The following GTF2F1 variants were observed in gnomAD, a reference collection of about 807,000 sequenced individuals.
The protein encoded by GTF2F1 is general transcription factor IIF 74 kDa subunit.
In GTF2F1, 39 loss-of-function variants were observed where a neutral mutation model predicts 63.5. The observed-to-expected ratio is 0.61, with a 90% CI of 0.48 to 0.80. The LOEUF is 0.80. GTF2F1 is among the 30% of genes least tolerant of loss of function. The pLI is 0.00. For missense variants in GTF2F1, 657 were observed against 718.3 expected (o/e 0.91, Z 0.97); for synonymous variants, 287 against 285.3 (o/e 1.01, Z -0.06).
In GTF2F1 at chr19:6,381,596, C is replaced by T. The variant is rs1356880683; in HGVS notation, c.856G>A (p.Glu286Lys). ...DGSSSSQEEP[E>K]SKAKAPQQEE... The stretch of plus-strand genomic sequence containing the variant: ...TGCTGCGGCGCCTTGGCCTTGCTCT[C>T]AGGCTCTTCTTGGGAGCTACTGTAA... Residue 286 changes from glutamate to lysine, a missense_variant, in exon 8 of 13, where the codon GAG becomes AAG. Physicochemically the swap from Glu to Lys is moderately conservative, Grantham distance 56. Coordinates refer to ENST00000394456, the MANE Select transcript of GTF2F1 (RefSeq NM_002096.3). This position sits in a 1 kb window ranked among gnomAD's most constrained non-coding sequence, Gnocchi z 4.1. 2 of 1,613,738 alleles carry T rather than the reference C, an allele frequency of 1.2e-6. No individual in the cohort carries two copies. Among genetic ancestry groups the T allele is most frequent in the African/African-American group, 2.7e-5 (2 of 74,938 alleles).
At position 6,393,126 on chromosome 19, in the gene GTF2F1, C is replaced by T. The variant is rs1405935127; in HGVS notation, c.-131G>A. Reference sequence around the variant, plus strand: ...CTGTGCCTGAGCGAGGACCCCAACCCTAGGCGCCTCTGGCGCTGGGAAAAG... The same window carrying T: ...CTGTGCCTGAGCGAGGACCCCAACCTTAGGCGCCTCTGGCGCTGGGAAAAG... On this transcript the variant is annotated 5_prime_UTR_variant, in exon 1 of 13. Transcript: ENST00000394456. The T allele has an allele frequency of 1.7e-6, 2 of 1,185,492 alleles. No homozygotes were observed. Among genetic ancestry groups the T allele is most frequent in the African/African-American group, 1.5e-5 (1 of 65,598 alleles). 73.4% of individuals were successfully genotyped at this position (1,185,492 alleles called of 1,614,324 possible).
Position 6,380,942 on chromosome 19 carries a change from G to C in GTF2F1, c.1193C>G (p.Ser398Cys), listed in dbSNP as rs758541092. ...GCTGGCAGCCGCCCGCAGGGTGGAG[G>C]AGGTGCTGCCACCCTCTGCGCTGGG... ...GTPSAEGGST[S>C]STLRAAASKL... Residue 398 changes from serine to cysteine, a missense_variant, in exon 11 of 13, where the codon TCC becomes TGC. Around this residue, in one of 2 missense-constraint regions of GTF2F1, gnomAD observed 602 missense variants for 625.6 expected, o/e 0.96. Transcript: ENST00000394456. The surrounding 1 kb of genome is among the most constrained non-coding windows in gnomAD (Gnocchi z 5.3). 14 of 1,587,308 alleles carry C rather than the reference G, an allele frequency of 8.8e-6. No individual in the cohort carries two copies. Among genetic ancestry groups the C allele is most frequent in the Non-Finnish European group, 1.2e-5 (14 of 1,167,428 alleles).
Position 6,387,611 on chromosome 19 carries a change from C to T in GTF2F1, c.327-52G>A, listed in dbSNP as rs187840120. ...GCCCATAGGGACCAGCCCCAGCCCCCCCGTGTCCCCCCGGGGCCTGCCTCC... is the reference window on the plus strand; with the variant it reads ...GCCCATAGGGACCAGCCCCAGCCCCTCCGTGTCCCCCCGGGGCCTGCCTCC... On this transcript the variant is annotated intron_variant, in intron 4 of 12. Coordinates refer to ENST00000394456, the MANE Select transcript of GTF2F1 (RefSeq NM_002096.3). 71 of 1,298,164 alleles carry T rather than the reference C, an allele frequency of 5.5e-5. 5 individuals carry two copies. Among genetic ancestry groups the T allele is most frequent in the Middle Eastern group, 1.8e-4 (1 of 5,576 alleles). 80.4% of individuals were successfully genotyped at this position (1,298,164 alleles called of 1,614,324 possible). A position where few individuals can be genotyped will look rare whatever the true frequency, so the allele number is the denominator to read the frequency against.
Position 6,380,618 on chromosome 19 carries a change from T to C in GTF2F1, c.1304A>G (p.Lys435Arg), listed in dbSNP as rs2091943211. 6.2e-7 allele frequency: 1 copy of C among 1,613,960 alleles called. No homozygotes were observed. The highest frequency in any genetic ancestry group is 1.3e-5 in the African/African-American group (1 of 75,044). ...GCCTGATGGTGGCTGGGGTGTCGAC[T>C]TCCCAGACAGGCTCTGGGGTCCCGT... ...LDTGPQSLSG[K>R]STPQPPSGKT... The change falls in exon 12 of 13, where the codon AAG (lysine) becomes AGG (arginine). Residue 435 changes from lysine (K) to arginine (R), a missense_variant. This residue lies in a region of GTF2F1 where 602 missense variants were observed against 625.6 expected (regional missense o/e 0.96). Coordinates refer to ENST00000394456, the MANE Select transcript of GTF2F1 (RefSeq NM_002096.3). The surrounding 1 kb of genome is among the most constrained non-coding windows in gnomAD (Gnocchi z 5.3).
chr19:6,380,865 G>C lies in GTF2F1; in HGVS notation c.1231+39C>G. 6.6e-7 allele frequency: 1 copy of C among 1,525,716 alleles called. No homozygotes were observed. Among genetic ancestry groups the C allele is most frequent in the East Asian group, 2.4e-5 (1 of 42,478 alleles). 94.5% of individuals were successfully genotyped at this position (1,525,716 alleles called of 1,614,324 possible). On this transcript the variant is annotated intron_variant, in intron 11 of 12. Transcript: ENST00000394456. The surrounding 1 kb of genome is among the most constrained non-coding windows in gnomAD (Gnocchi z 5.3). Reference sequence around the variant, plus strand: ...CCCCAACAGAGGTCAGGAGGCTGTGGCTGTGGCTGTGGGGAGCGGGGAGGC... The same window carrying C: ...CCCCAACAGAGGTCAGGAGGCTGTGCCTGTGGCTGTGGGGAGCGGGGAGGC...
intron 2 of GTF2F1, chr19:6,392,370 C>G (rs1268154337): frequency 2.1e-6 from 1 of 476,982 alleles, no homozygotes; most frequent in Non-Finnish European, 4.1e-6. Context: ...TTATTGTGAA[C>G]TCAGCCTTGG....
intron 4 of GTF2F1, among the ~76,000 whole-genome samples, chr19:6,387,938 T>C (rs2091980213): frequency 1.4e-5 from 2 of 145,346 alleles, no homozygotes. Flanking sequence ...ATGGCCAAAT[T>C]TTTTTTTTTG....
Position 6,381,674 on chromosome 19 carries a change from C to T in GTF2F1, c.836+23G>A, listed in dbSNP as rs1335696006. The stretch of plus-strand genomic sequence containing the variant: ...GCTCGCGAGGCTGCATGGGGTCTCG[C>T]AGGCGCCTCCCGTCGGCCTCACCTG... On this transcript the variant is annotated intron_variant, in intron 7 of 12. Transcript: ENST00000394456. This position sits in a 1 kb window ranked among gnomAD's most constrained non-coding sequence, Gnocchi z 4.1. 1 of 1,614,144 alleles carries T rather than the reference C, an allele frequency of 6.2e-7. No individual in the cohort carries two copies. The highest frequency in any genetic ancestry group is 8.5e-7 in the Non-Finnish European group (1 of 1,180,038).
chr19:6,381,056 G>C lies in GTF2F1; in HGVS notation c.1093-14C>G, dbSNP rs2091946583. On this transcript the variant is annotated splice_polypyrimidine_tract_variant and intron_variant, in intron 10 of 12. Transcript: ENST00000394456. This position sits in a 1 kb window ranked among gnomAD's most constrained non-coding sequence, Gnocchi z 4.1. ...CGTCTTCTTCTTCTGCAGAGGTCAGGGTTGGGAGGTGGGTGAGTCTGCAAA... is the reference window on the plus strand; with the variant it reads ...CGTCTTCTTCTTCTGCAGAGGTCAGCGTTGGGAGGTGGGTGAGTCTGCAAA... 6.2e-7 allele frequency: 1 copy of C among 1,610,762 alleles called. No individual in the cohort carries two copies. Among genetic ancestry groups the C allele is most frequent in the African/African-American group, 1.3e-5 (1 of 74,906 alleles).
chr19:6,389,460 C>A lies in GTF2F1; in HGVS notation c.310G>T (p.Gly104Cys), dbSNP rs757008742. Residue 104 changes from glycine (G) to cysteine (C), a missense_variant, in exon 4 of 13, where the codon GGC (glycine) becomes TGC (cysteine). Transcript: ENST00000394456. Reference sequence around the variant, plus strand: ...ACCACTTACTTCCTGCCTGATTTGCCGTTGACCCGGAGCAGCCAGGGCTGG... The same window carrying A: ...ACCACTTACTTCCTGCCTGATTTGCAGTTGACCCGGAGCAGCCAGGGCTGG... ...EDQPWLLRVN[G>C]KSGRKFKGIK... The A allele has an allele frequency of 1.2e-6, 2 of 1,613,866 alleles. No homozygotes were observed. The highest frequency in any genetic ancestry group is 2.2e-5 in the South Asian group (2 of 91,066).
chr19:6,391,856 T>C (rs771539034), intron 3 of GTF2F1, 46 bp downstream of exon 3: 1 of 1,017,562 alleles, frequency 9.8e-7, no homozygotes, highest in East Asian at 2.5e-5. Flanking sequence ...CAGGGTCAAG[T>C]TCTCTCACCA....
At chr19:6,382,824 G>A (rs946149681) in intron 6 of GTF2F1, among the ~76,000 whole-genome samples, 28 of 149,690 alleles carry the variant, frequency 1.9e-4, no homozygotes, top group African/African-American at 6.8e-4. Flanking sequence ...AAAAAAGAAG[G>A]GCCATGGCTC....
chr19:6,390,062 C>T (rs1206226509), intron 3 of GTF2F1, among the ~76,000 whole-genome samples: 2 of 152,132 alleles, frequency 1.3e-5, no homozygotes, highest in East Asian at 3.9e-4. Flanking sequence ...GCATGCATAT[C>T]GAAACTCATT....
rs527471840 is a variant in GTF2F1 at position 6,386,180 on chromosome 19, G to A, written c.497+1209C>T. Among the ~76,000 whole-genome samples the A allele has an allele frequency of 1.7e-4, 26 of 152,180 alleles. No homozygotes were observed. The East Asian group carries it at 5.1e-3, about 30-fold the overall frequency. Reference sequence around the variant, plus strand: ...GGGGGCAGATCACCTGAGGTTAGGAGTTTGAGACCACCTGGCCAACATGGT... The same window carrying A: ...GGGGGCAGATCACCTGAGGTTAGGAATTTGAGACCACCTGGCCAACATGGT... On this transcript the variant is annotated intron_variant, in intron 5 of 12. Coordinates refer to ENST00000394456, the MANE Select transcript of GTF2F1 (RefSeq NM_002096.3).
At chr19:6,386,124 G>A (rs952413181) in intron 5 of GTF2F1, among the ~76,000 whole-genome samples, 2 of 151,920 alleles carry the variant, frequency 1.3e-5, no homozygotes, top group Non-Finnish European at 2.9e-5. Context: ...GGTGGCTCAC[G>A]GATGTAATCC....
At position 6,380,401 on chromosome 19, in the gene GTF2F1, C is replaced by T; in HGVS notation, c.1434G>A (p.Gln478=). The change falls in exon 13 of 13, where the codon CAG becomes CAA. Residue 478 remains glutamine, a synonymous_variant. Transcript: ENST00000394456. The surrounding 1 kb of genome is among the most constrained non-coding windows in gnomAD (Gnocchi z 5.3). ...CGCTGCTCAGCCCTGTCTTCTTGGTCTGGAACTTTTTCAGCAGGTCCTTAG... is the reference window on the plus strand; with the variant it reads ...CGCTGCTCAGCCCTGTCTTCTTGGTTTGGAACTTTTTCAGCAGGTCCTTAG... The part of the protein sequence containing the change: ...MTTKDLLKKF[Q]TKKTGLSSEQ... The T allele has an allele frequency of 6.2e-7, 1 of 1,614,126 alleles. No homozygotes were observed.
In GTF2F1 at chr19:6,381,654, C is replaced by T. The variant is rs1423726632; in HGVS notation, c.837-39G>A. The T allele has an allele frequency of 1.1e-5, 18 of 1,613,916 alleles. No homozygotes were observed. The highest frequency in any genetic ancestry group is 1.4e-5 in the Non-Finnish European group (17 of 1,180,032). On this transcript the variant is annotated intron_variant, in intron 7 of 12. Transcript: ENST00000394456. The surrounding 1 kb of genome is among the most constrained non-coding windows in gnomAD (Gnocchi z 4.1). ...ATGGCAAAGGATGAGCGCGCGCTCG[C>T]GAGGCTGCATGGGGTCTCGCAGGCG...
rs762042946 is a variant in GTF2F1, at chr19:6,380,419, G to A, written c.1416C>T (p.Asp472=). 10 of 1,613,986 alleles carry A rather than the reference G, an allele frequency of 6.2e-6. No individual in the cohort carries two copies. The South Asian group carries it at 6.6e-5, about 11-fold the overall frequency. ...TCTTGGTCTGGAACTTTTTCAGCAG[G>A]TCCTTAGTGGTCATGGGCTTCCGTG... ...YLTRKPMTTK[D]LLKKFQTKKT... is the part of the protein sequence containing the mutation. Residue 472 remains aspartate, a synonymous_variant, in exon 13 of 13, where the codon GAC becomes GAT. Transcript: ENST00000394456. This position sits in a 1 kb window ranked among gnomAD's most constrained non-coding sequence, Gnocchi z 5.3.
chr19:6,381,647 G>A lies in GTF2F1; in HGVS notation c.837-32C>T, dbSNP rs369353212. 2.1e-5 allele frequency: 34 copies of A among 1,613,890 alleles called. No individual in the cohort carries two copies. In the Admixed American group the frequency reaches 2.2e-4, roughly 10 times the overall value. On this transcript the variant is annotated intron_variant, in intron 7 of 12. Coordinates refer to ENST00000394456, the MANE Select transcript of GTF2F1 (RefSeq NM_002096.3). This position sits in a 1 kb window ranked among gnomAD's most constrained non-coding sequence, Gnocchi z 4.1. ...GACGGGGATGGCAAAGGATGAGCGC[G>A]CGCTCGCGAGGCTGCATGGGGTCTC...
Sources: allele counts gnomAD v4.1 joint callset (sites outside exome capture counted in the v4.1 genomes callset), GRCh38; gene constraint gnomAD v4.1.1; regional missense constraint gnomAD v4.1.1; non-coding constraint Gnocchi (gnomAD v3.1); transcripts MANE v1.5; gene names NCBI Gene and HGNC (gene_info 2026-07-23, HGNC 2026-07-21).